Variants in EFR3B observed in about 807,000 individuals in gnomAD.
EFR3B encodes protein EFR3 homolog B.
Under a neutral mutation model 104.7 loss-of-function variants are expected in EFR3B, and 64 were observed. That is an observed-to-expected ratio of 0.61 (90% CI 0.50 to 0.75). The LOEUF (loss-of-function observed/expected upper bound fraction) is 0.75. Among genes scored for constraint, EFR3B ranks in the 30% least tolerant of loss-of-function variants. The pLI is 0.00. For synonymous variants in EFR3B, 385 were observed against 417.9 expected (o/e 0.92, Z 0.96); for missense variants, 750 against 1,078.5 (o/e 0.70, Z 4.27).
chr2:25,106,784 G>A (rs1256891629), intron 4 of EFR3B, among the ~76,000 whole-genome samples: 2 of 151,542 alleles, frequency 1.3e-5, no homozygotes, highest in African/African-American at 2.4e-5. Context: ...GGGTTTCACT[G>A]TGTTGGCCAG....
At chr2:25,080,038 G>T in intron 1 of EFR3B, 1 of 879,786 alleles carries the variant, frequency 1.1e-6, no homozygotes, top group Non-Finnish European at 1.9e-6. Flanking sequence ...TCTGCTCTCG[G>T]TGCCTTAGCA....
rs539249806 is a variant in EFR3B, at chr2:25,145,224, C to T, written c.2142+173C>T. On this transcript the variant is annotated intron_variant, in intron 19 of 22. Transcript: ENST00000403714. ...CGTATGCGTCATAGATACTTCCCTT[C>T]GGAAAAATTGTTAGGGTCCTCCCTG... 1.1e-4 allele frequency: 67 copies of T among 628,126 alleles called. No homozygotes were observed. In the African/African-American group the frequency reaches 1.1e-3, roughly 10 times the overall value. 38.9% of individuals were successfully genotyped at this position (628,126 alleles called of 1,614,324 possible).
chr2:25,158,052 C>G lies in EFR3B; in HGVS notation c.*3712C>G, dbSNP rs1027577724. 1 of 152,330 alleles carries G rather than the reference C, an allele frequency of 6.6e-6. No individual in the cohort carries two copies. The highest frequency in any genetic ancestry group is 1.5e-5 in the Non-Finnish European group (1 of 68,122). The allele number at this position is 152,330 out of a possible 1,614,324, so 9.4% of individuals were successfully genotyped here. A position where few individuals can be genotyped will look rare whatever the true frequency, so the allele number is the denominator to read the frequency against. The stretch of plus-strand genomic sequence containing the variant: ...TGGGTGTTCTAGATCACACAGAACA[C>G]GTTTCAGCTGGACTAAGAATCAGAC... On this transcript the variant is annotated 3_prime_UTR_variant, in exon 23 of 23. Coordinates refer to ENST00000403714, the MANE Select transcript of EFR3B (RefSeq NM_014971.2).
intron 16 of EFR3B, 80 bp from the exon 17 acceptor site, chr2:25,141,286 G>T: frequency 6.9e-7 from 1 of 1,453,460 alleles, no homozygotes; most frequent in Non-Finnish European, 9.3e-7. Flanking sequence ...GCACCGAGCC[G>T]GGCATGGGAG....
intron 1 of EFR3B, among the ~76,000 whole-genome samples, chr2:25,088,139 C>T (rs1189788099): frequency 6.6e-6 from 1 of 151,384 alleles, no homozygotes; most frequent in Non-Finnish European, 1.5e-5. Flanking sequence ...GCATGGCAGC[C>T]ACTCCACTAG....
At chr2:25,124,314 G>GTGTGTGTT (rs1670103860) in intron 5 of EFR3B, among the ~76,000 whole-genome samples, 4 of 144,834 alleles carry the variant, frequency 2.8e-5, no homozygotes, top group Non-Finnish European at 5.9e-5. Flanking sequence ...GTGTGTGTGT[G>GTGTGTGTT]TGTGTGTGTG....
chr2:25,147,839 G>A (rs1483545268), intron 19 of EFR3B: 1 of 152,018 alleles, frequency 6.6e-6, no homozygotes, highest in Non-Finnish European at 1.5e-5. Context: ...TGATCAACAT[G>A]GTGAAACCCC....
intron 6 of EFR3B, among the ~76,000 whole-genome samples, chr2:25,129,255 C>G (rs1300542415): frequency 6.7e-6 from 1 of 150,274 alleles, no homozygotes; most frequent in Non-Finnish European, 1.5e-5. Context: ...CCCACCTGGG[C>G]TATCTGTGCA....
In EFR3B at chr2:25,046,506, C is replaced by CTTTTTTTTTTTTTTTTTT. The variant is rs531667109; in HGVS notation, c.7+4203_7+4204insTTTTTTTTTTTTTTTTTT. 5.8e-4 allele frequency among the ~76,000 whole-genome samples: 69 copies of CTTTTTTTTTTTTTTTTTT among 119,100 alleles called. 6 individuals are homozygous for CTTTTTTTTTTTTTTTTTT. Among genetic ancestry groups the CTTTTTTTTTTTTTTTTTT allele is most frequent in the East Asian group, 2.1e-3 (7 of 3,258 alleles). The allele number at this position is 119,100 out of a possible 152,430, so 78.1% of individuals were successfully genotyped here. On this transcript the variant is annotated intron_variant, in intron 1 of 22. Coordinates refer to ENST00000403714, the MANE Select transcript of EFR3B (RefSeq NM_014971.2). ...GCAGGCTCCCCCTGAAGTACAAAGTCTTTTTTTTTTTTTTTTGAGACGGAG... is the reference window on the plus strand; with the variant it reads ...GCAGGCTCCCCCTGAAGTACAAAGTCTTTTTTTTTTTTTTTTTTTTTTTTTTTTTTTTTTGAGACGGAG...
chr2:25,106,456 AT>A (rs35899048), intron 4 of EFR3B, among the ~76,000 whole-genome samples: 31,025 of 129,578 alleles, frequency 0.24, 3,970 homozygotes, highest in East Asian at 0.68. Context: ...TGCCCAGCTA[AT>A]TTTTTTTTTT....
At chr2:25,144,818 T>C (rs915122295) in intron 18 of EFR3B, 142 bp from the exon 19 acceptor site, 1 of 649,946 alleles carries the variant, frequency 1.5e-6, no homozygotes, top group Non-Finnish European at 2.6e-6. Flanking sequence ...TTCTATAAAC[T>C]CCAAGTGTAG....
At chr2:25,091,507 C>A in intron 2 of EFR3B, 106 bp downstream of exon 2, 1 of 1,008,720 alleles carries the variant, frequency 9.9e-7, no homozygotes, top group Non-Finnish European at 1.4e-6. Flanking sequence ...AAGGCAGGGC[C>A]TCTCAGGGTC....
intron 19 of EFR3B, among the ~76,000 whole-genome samples, chr2:25,148,245 C>T (rs1157005853): frequency 6.6e-6 from 1 of 150,874 alleles, no homozygotes; most frequent in African/African-American, 2.4e-5. Flanking sequence ...CGGGGAGGGC[C>T]GGTCACTTCT....
intron 1 of EFR3B, among the ~76,000 whole-genome samples, chr2:25,061,898 G>A (rs1215343537): frequency 6.6e-6 from 1 of 152,048 alleles, no homozygotes; most frequent in South Asian, 2.1e-4. Flanking sequence ...AACACTAACA[G>A]TGGTTATTTC....
chr2:25,149,465 T>G (rs1033447759), intron 19 of EFR3B, among the ~76,000 whole-genome samples: 1 of 152,224 alleles, frequency 6.6e-6, no homozygotes, highest in African/African-American at 2.4e-5. Context: ...GGACTCTGTC[T>G]AAGTCTGAAT....
chr2:25,088,143 C>T (rs1476636318), intron 1 of EFR3B, among the ~76,000 whole-genome samples: 1 of 152,136 alleles, frequency 6.6e-6, no homozygotes, highest in African/African-American at 2.4e-5. Flanking sequence ...GGCAGCCACT[C>T]CACTAGTGGC....
chr2:25,113,935 G>GCTTACTA (rs2149197016), intron 4 of EFR3B, among the ~76,000 whole-genome samples: 2 of 152,242 alleles, frequency 1.3e-5, no homozygotes, highest in South Asian at 4.1e-4. Context: ...GGACAAGTAA[G>GCTTACTA]CTTGTCCCAG....
chr2:25,121,764 C>T lies in EFR3B; in HGVS notation c.455C>T (p.Ser152Leu), dbSNP rs765652835. The T allele has an allele frequency of 6.4e-7, 1 of 1,551,482 alleles. No homozygotes were observed. Among genetic ancestry groups the T allele is most frequent in the African/African-American group, 1.4e-5 (1 of 73,016 alleles). The change falls in exon 5 of 23, where the codon TCG (serine) becomes TTG (leucine). Residue 152 changes from serine to leucine, a missense_variant. Ser to Leu is a moderately radical substitution (Grantham distance 145). Transcript: ENST00000403714. ...TCCCGATTCAGTGAAATGTGCCACT[C>T]GAGCCATGATGACTTAGAAATCAAG... ...FVSRFSEMCH[S>L]SHDDLEIKTK...
chr2:25,142,108 G>C (rs1670684753), intron 17 of EFR3B, among the ~76,000 whole-genome samples: 2 of 152,070 alleles, frequency 1.3e-5, no homozygotes, highest in African/African-American at 4.8e-5. Flanking sequence ...AGACAACCAT[G>C]GGCCGCAAAG....
Sources: gnomAD v4.1 joint callset for allele counts (sites outside exome capture counted in the v4.1 genomes callset) on GRCh38, gnomAD v4.1.1 for gene constraint, MANE v1.5 for transcripts, NCBI Gene and HGNC (gene_info 2026-07-23, HGNC 2026-07-21) for gene names.